SLC8A3: variants seen among roughly 807,000 people sequenced by gnomAD.
The protein encoded by SLC8A3 is solute carrier family 8 member A3, also known as sodium/calcium exchanger 3.
In SLC8A3, 37 loss-of-function variants were observed where a neutral mutation model predicts 65.4. That is an observed-to-expected ratio of 0.57 (90% CI 0.44 to 0.74). SLC8A3 has a LOEUF of 0.74. Ranked by LOEUF, SLC8A3 falls within the 30% of genes least tolerant of loss-of-function variation. The pLI, the probability that SLC8A3 is intolerant of heterozygous loss-of-function variation, is 0.00. For synonymous variants in SLC8A3, 461 were observed against 444.5 expected, an observed-to-expected ratio of 1.04 and a Z score of -0.47; for missense variants, 1,112 against 1,172.1, an observed-to-expected ratio of 0.95 and a Z score of 0.75.
intron 2 of SLC8A3, among the ~76,000 whole-genome samples, chr14:70,083,417 A>G (rs563719008): frequency 2.6e-5 from 4 of 152,290 alleles, no homozygotes; most frequent in Admixed American, 2.0e-4. Flanking sequence ...CTCTCTCCCA[A>G]AGGAAAACAA....
At chr14:70,134,178 C>G (rs1895040575) in intron 2 of SLC8A3, among the ~76,000 whole-genome samples, 1 of 152,194 alleles carries the variant, frequency 6.6e-6, no homozygotes, top group Admixed American at 6.5e-5. Context: ...AGCATGTTCT[C>G]TCTGATGTCC....
At chr14:70,077,576 C>T (rs77584089) in intron 2 of SLC8A3, among the ~76,000 whole-genome samples, 3,388 of 152,202 alleles carry the variant, frequency 0.022, 45 homozygotes, top group Non-Finnish European at 0.034. Flanking sequence ...GAGGGCTCCT[C>T]GACCTTGGAT....
chr14:70,046,151 T>G lies in SLC8A3; in HGVS notation c.2562A>C (p.Thr854=). 1 of 1,614,198 alleles carries G rather than the reference T, an allele frequency of 6.2e-7. No homozygotes were observed. Residue 854 remains threonine (T), a synonymous_variant, in exon 7 of 7, where the codon ACA becomes ACC. Coordinates refer to ENST00000356921, the MANE Select transcript of SLC8A3 (RefSeq NM_182932.3). This position sits in a 1 kb window ranked among gnomAD's most constrained non-coding sequence, Gnocchi z 4.2. ...TGAAGAGGGTGACGGAGAAGGCCAG[T>G]GTGCCGGCCGACACGTGGAACTCCT... ...QGQEFHVSAG[T]LAFSVTLFTI... is the part of the protein sequence containing the mutation.
In SLC8A3 at chr14:70,045,936, T is replaced by C; in HGVS notation, c.*11A>G. 6.4e-7 allele frequency: 1 copy of C among 1,571,766 alleles called. No individual in the cohort carries two copies. The highest frequency in any genetic ancestry group is 1.2e-5 in the South Asian group (1 of 86,110). ...CCTAGGCCTGCCCTGCTGGAGGCTC[T>C]GTTGTGTGGCTTAGAACCCCTTGAT... On this transcript the variant is annotated 3_prime_UTR_variant, in exon 7 of 7. Coordinates refer to ENST00000356921, the MANE Select transcript of SLC8A3 (RefSeq NM_182932.3).
intron 2 of SLC8A3, among the ~76,000 whole-genome samples, chr14:70,145,935 G>C (rs1895897399): frequency 6.7e-6 from 1 of 150,006 alleles, no homozygotes; most frequent in South Asian, 2.1e-4. Context: ...AAGGAAAGAA[G>C]GAAGGAAGGA....
chr14:70,128,000 C>T (rs2140212293), intron 2 of SLC8A3, among the ~76,000 whole-genome samples: 1 of 152,294 alleles, frequency 6.6e-6, no homozygotes, highest in Non-Finnish European at 1.5e-5. Context: ...ATGAATGTCC[C>T]ATTGGTATAT....
intron 1 of SLC8A3, among the ~76,000 whole-genome samples, chr14:70,179,915 C>A (rs1186684911): frequency 1.3e-5 from 2 of 152,192 alleles, no homozygotes; most frequent in Non-Finnish European, 2.9e-5. Flanking sequence ...GAGCCAGAAC[C>A]AAACCTTCGT....
chr14:70,137,508 C>CT (rs1454563014), intron 2 of SLC8A3, among the ~76,000 whole-genome samples: 2 of 152,242 alleles, frequency 1.3e-5, no homozygotes, highest in African/African-American at 4.8e-5. Context: ...TAAAAGGAAT[C>CT]CTGAGGGAAA....
intron 1 of SLC8A3, among the ~76,000 whole-genome samples, chr14:70,187,599 C>CTGTG (rs3053393): frequency 0.051 from 6,013 of 118,132 alleles, 210 homozygotes; most frequent in South Asian, 0.071. Flanking sequence ...AGGGCTTTGA[C>CTGTG]TGTGTGTGTG....
intron 1 of SLC8A3, among the ~76,000 whole-genome samples, chr14:70,178,488 C>T (rs1023741543): frequency 6.6e-6 from 1 of 152,110 alleles, no homozygotes; most frequent in Non-Finnish European, 1.5e-5. Context: ...TTCAAATGAC[C>T]GCAGTTTCAC....
chr14:70,140,418 A>G (rs972540729), intron 2 of SLC8A3, among the ~76,000 whole-genome samples: 2 of 152,158 alleles, frequency 1.3e-5, no homozygotes, highest in Non-Finnish European at 2.9e-5. Flanking sequence ...CAAAAGCCAC[A>G]CAAGAAGGGT....
chr14:70,117,923 A>G (rs1893774656), intron 2 of SLC8A3, among the ~76,000 whole-genome samples: 1 of 152,164 alleles, frequency 6.6e-6, no homozygotes, highest in Admixed American at 6.5e-5. Flanking sequence ...ATTCTTTGCC[A>G]CTGAATCCAC....
chr14:70,088,334 T>G (rs1286672518), intron 2 of SLC8A3, among the ~76,000 whole-genome samples: 3 of 152,196 alleles, frequency 2.0e-5, no homozygotes, highest in Non-Finnish European at 4.4e-5. Context: ...GGGAAGCCAG[T>G]GCCCACCAGT....
intron 3 of SLC8A3, among the ~76,000 whole-genome samples, chr14:70,055,305 T>C (rs903924656): frequency 2.0e-5 from 3 of 152,212 alleles, no homozygotes; most frequent in Non-Finnish European, 4.4e-5. Context: ...TCTCCAGGAC[T>C]GGTAAAATTC....
At chr14:70,159,870 T>C (rs913344596) in intron 2 of SLC8A3, among the ~76,000 whole-genome samples, 6 of 152,204 alleles carry the variant, frequency 3.9e-5, no homozygotes, top group Admixed American at 3.3e-4. Context: ...AACCACAGTG[T>C]GTCTTTTTTA....
intron 2 of SLC8A3, among the ~76,000 whole-genome samples, chr14:70,074,559 A>G (rs1218444169): frequency 6.6e-6 from 1 of 152,212 alleles, no homozygotes; most frequent in Non-Finnish European, 1.5e-5. Context: ...AGATTATCAC[A>G]AAGGTGGGGA....
intron 2 of SLC8A3, among the ~76,000 whole-genome samples, chr14:70,159,916 C>T (rs1896788048): frequency 6.6e-6 from 1 of 152,222 alleles, no homozygotes. Context: ...TGCTCTCCAA[C>T]TCTGCACCTC....
intron 1 of SLC8A3, among the ~76,000 whole-genome samples, chr14:70,170,991 G>T (rs955428614): frequency 1.3e-5 from 2 of 152,200 alleles, no homozygotes; most frequent in African/African-American, 4.8e-5. Flanking sequence ...TGTCATCAAT[G>T]ATGTGCACAA....
intron 1 of SLC8A3, among the ~76,000 whole-genome samples, chr14:70,187,918 A>G (rs958817175): frequency 6.6e-6 from 1 of 152,028 alleles, no homozygotes; most frequent in Admixed American, 6.5e-5. Flanking sequence ...CTAGCCCCCA[A>G]ACCCGGCGGA....
Sources: allele counts gnomAD v4.1 joint callset (sites outside exome capture counted in the v4.1 genomes callset), GRCh38; gene constraint gnomAD v4.1.1; non-coding constraint Gnocchi (gnomAD v3.1); transcripts MANE v1.5; gene names NCBI Gene and HGNC (gene_info 2026-07-23, HGNC 2026-07-21).